The following ASPRV1 variants were observed in gnomAD, a reference collection of about 807,000 sequenced individuals.
ASPRV1 encodes retroviral-like aspartic protease 1.
ASPRV1 carries 7 observed loss-of-function variants against 11.0 expected under a neutral mutation model. That is an observed-to-expected ratio of 0.64 (90% CI 0.36 to 1.20). The LOEUF (loss-of-function observed/expected upper bound fraction) is 1.20. ASPRV1 is among the 50% of genes most tolerant of loss of function. ASPRV1 has a pLI of 0.02. For missense variants in ASPRV1, 299 were observed against 320.0 expected (o/e 0.93, Z 0.50); for synonymous variants, 136 against 138.4 (o/e 0.98, Z 0.12).
At chr2:69,986,533 G>T in the ASPRV1 span, among the ~76,000 whole-genome samples, 1 of 152,232 alleles carries the variant, frequency 6.6e-6, no homozygotes, top group South Asian at 2.1e-4. Flanking sequence ...CAGCAGTGCT[G>T]AGCAGGAGGG....
chr2:70,024,995 G>C, the ASPRV1 span, among the ~76,000 whole-genome samples: 1 of 152,188 alleles, frequency 6.6e-6, no homozygotes, highest in Non-Finnish European at 1.5e-5. Flanking sequence ...ACCTTGCACT[G>C]TCTGTAGCTC....
At chr2:70,044,772 T>C in the ASPRV1 span, among the ~76,000 whole-genome samples, 5 of 152,088 alleles carry the variant, frequency 3.3e-5, no homozygotes, top group East Asian at 1.9e-4. Context: ...ACACCTCTTA[T>C]TTACTCAGTA....
At chr2:70,036,809 A>G in the ASPRV1 span, among the ~76,000 whole-genome samples, 3 of 152,108 alleles carry the variant, frequency 2.0e-5, no homozygotes, top group Non-Finnish European at 2.9e-5. Flanking sequence ...CTGGGATTAC[A>G]GGTATGAGCC....
chr2:70,052,417 T>C, the ASPRV1 span, among the ~76,000 whole-genome samples: 1 of 152,176 alleles, frequency 6.6e-6, no homozygotes, highest in African/African-American at 2.4e-5. Flanking sequence ...TCCATTGATA[T>C]AAAATTACAC....
the ASPRV1 span, among the ~76,000 whole-genome samples, chr2:70,077,141 T>C: frequency 5.3e-5 from 8 of 152,312 alleles, no homozygotes; most frequent in African/African-American, 4.8e-5. Flanking sequence ...TGTCAGAAGA[T>C]GGCAACCAAC....
the ASPRV1 span, among the ~76,000 whole-genome samples, chr2:70,033,276 AACAC>A: frequency 5.9e-3 from 829 of 141,570 alleles, 4 homozygotes; most frequent in Middle Eastern, 0.01. Flanking sequence ...TCAAACAGAA[AACAC>A]ACACACACAC....
upstream of ASPRV1, among the ~76,000 whole-genome samples, chr2:69,963,854 C>G (rs1252536027): frequency 6.6e-6 from 1 of 152,140 alleles, no homozygotes; most frequent in African/African-American, 2.4e-5. Flanking sequence ...GGGGATTTTG[C>G]AAGGACAGGG....
chr2:70,031,249 AT>A, the ASPRV1 span: 1 of 152,180 alleles, frequency 6.6e-6, no homozygotes. Flanking sequence ...CAAACTTACA[AT>A]TCAGCACTTT....
At chr2:70,056,532 G>C in the ASPRV1 span, 2 of 143,718 alleles carry the variant, frequency 1.4e-5, no homozygotes, top group Admixed American at 1.5e-4. Flanking sequence ...GTGAACCCGG[G>C]AGGCGGAGCT....
At chr2:70,086,692 C>T in the ASPRV1 span, among the ~76,000 whole-genome samples, 2 of 152,342 alleles carry the variant, frequency 1.3e-5, no homozygotes, top group Admixed American at 6.5e-5. Flanking sequence ...AAGGGTGCCG[C>T]GGTGGAAACG....
At chr2:70,033,244 A>C in the ASPRV1 span, among the ~76,000 whole-genome samples, 1 of 150,324 alleles carries the variant, frequency 6.7e-6, no homozygotes, top group African/African-American at 2.5e-5. Flanking sequence ...TACAGGACTC[A>C]GTCCCCCTTT....
the ASPRV1 span, among the ~76,000 whole-genome samples, chr2:70,032,669 T>C: frequency 2.0e-5 from 3 of 152,074 alleles, no homozygotes; most frequent in African/African-American, 7.2e-5. Context: ...AAAAAATTTA[T>C]TTTGCTTAGG....
the ASPRV1 span, among the ~76,000 whole-genome samples, chr2:70,021,838 G>T: frequency 6.6e-6 from 1 of 151,448 alleles, no homozygotes; most frequent in African/African-American, 2.4e-5. Context: ...GAGTAGCTGG[G>T]ACTACAGGAG....
the ASPRV1 span, among the ~76,000 whole-genome samples, chr2:70,013,942 T>C: frequency 1.3e-5 from 2 of 152,250 alleles, no homozygotes; most frequent in Non-Finnish European, 2.9e-5. Context: ...TCATTGTTGT[T>C]ACTTTTAAAT....
chr2:69,996,239 A>AAAAAAAAAC, the ASPRV1 span, among the ~76,000 whole-genome samples: 1 of 149,884 alleles, frequency 6.7e-6, no homozygotes, highest in African/African-American at 2.5e-5. Flanking sequence ...AAAAAAAAAA[A>AAAAAAAAAC]CAATTAGCTG....
the ASPRV1 span, chr2:69,938,207 A>G: frequency 6.2e-7 from 1 of 1,614,234 alleles, no homozygotes; most frequent in South Asian, 1.1e-5. Context: ...GAGCCTCGGC[A>G]GTGATGAGGG....
chr2:70,078,597 T>G, the ASPRV1 span, among the ~76,000 whole-genome samples: 1 of 152,132 alleles, frequency 6.6e-6, no homozygotes, highest in African/African-American at 2.4e-5. Context: ...AAAAAGCAAC[T>G]ACAAAGGCCC....
upstream of ASPRV1, chr2:69,963,118 C>T: frequency 2.7e-6 from 1 of 377,208 alleles, no homozygotes; most frequent in Admixed American, 3.3e-5. Context: ...GCCCAGGTCC[C>T]CAACCACAAT....
the ASPRV1 span, among the ~76,000 whole-genome samples, chr2:69,952,491 G>C: frequency 2.0e-5 from 3 of 146,972 alleles, no homozygotes; most frequent in African/African-American, 7.6e-5. Flanking sequence ...GCACGACACA[G>C]CAAGATCCTG....
Sources: gnomAD v4.1 joint callset for allele counts (sites outside exome capture counted in the v4.1 genomes callset) on GRCh38, gnomAD v4.1.1 for gene constraint, MANE v1.5 for transcripts, NCBI Gene and HGNC (gene_info 2026-07-23, HGNC 2026-07-21) for gene names.